ANKS1A: variants seen among roughly 807,000 people sequenced by gnomAD.
ANKS1A encodes the protein ankyrin repeat and sterile alpha motif domain containing 1A.
Under a neutral mutation model 120.3 loss-of-function variants are expected in ANKS1A, and 55 were observed. The observed-to-expected ratio is 0.46, with a 90% CI of 0.37 to 0.57. ANKS1A has a LOEUF of 0.57. Ranked by LOEUF, ANKS1A falls within the 20% of genes least tolerant of loss-of-function variation. The probability of loss-of-function intolerance (pLI) is 0.00; values close to 1 mark genes in which losing one functional copy is unlikely to be tolerated. For synonymous variants in ANKS1A, 590 were observed against 604.7 expected (o/e 0.98, Z 0.36); for missense variants, 1,123 against 1,480.3 (o/e 0.76, Z 3.96).
In ANKS1A at chr6:34,994,488, T is replaced by C. The variant is rs537175227; in HGVS notation, c.1423+66T>C. On this transcript the variant is annotated intron_variant, in intron 10 of 23. Transcript: ENST00000360359. ...GATTTTTAAAGTTTGTGATCCTGAGTGGAAGGGGAAGATGTCGTAACTATG... is the reference window on the plus strand; with the variant it reads ...GATTTTTAAAGTTTGTGATCCTGAGCGGAAGGGGAAGATGTCGTAACTATG... 2.5e-5 allele frequency: 39 copies of C among 1,579,802 alleles called. No homozygotes were observed. The South Asian group carries it at 3.9e-4, about 16-fold the overall frequency.
intron 1 of ANKS1A, among the ~76,000 whole-genome samples, chr6:34,962,306 C>T (rs1770679044): frequency 6.6e-6 from 1 of 152,186 alleles, no homozygotes; most frequent in African/African-American, 2.4e-5. Context: ...TGGCAATGAA[C>T]AAATAGCCTA....
chr6:35,031,140 C>T (rs1430088450), intron 11 of ANKS1A, among the ~76,000 whole-genome samples: 2 of 152,202 alleles, frequency 1.3e-5, no homozygotes, highest in African/African-American at 2.4e-5. Flanking sequence ...ATACAGAAAG[C>T]GGTTCTGTGG....
chr6:34,952,569 C>G (rs933042995), intron 1 of ANKS1A, among the ~76,000 whole-genome samples: 2 of 152,214 alleles, frequency 1.3e-5, no homozygotes, highest in Non-Finnish European at 1.5e-5. Context: ...CACACTCACT[C>G]ACTCACTAAA....
chr6:35,004,759 A>T (rs548002025), intron 10 of ANKS1A, among the ~76,000 whole-genome samples: 34 of 152,042 alleles, frequency 2.2e-4, no homozygotes, highest in Non-Finnish European at 3.2e-4. Flanking sequence ...GCAAAAAAAA[A>T]TTTTTTTTAA....
chr6:35,010,341 CT>C (rs1319578181), intron 10 of ANKS1A, among the ~76,000 whole-genome samples: 1 of 152,176 alleles, frequency 6.6e-6, no homozygotes, highest in African/African-American at 2.4e-5. Flanking sequence ...GAGTGCTGGG[CT>C]CAACAACAGT....
intron 13 of ANKS1A, among the ~76,000 whole-genome samples, chr6:35,071,704 G>A (rs905548970): frequency 2.0e-5 from 3 of 152,220 alleles, no homozygotes; most frequent in African/African-American, 7.2e-5. Flanking sequence ...CTGGCCACAC[G>A]CTCCCAGTCA....
At chr6:34,975,334 A>C (rs1206995453) in intron 3 of ANKS1A, among the ~76,000 whole-genome samples, 4 of 151,958 alleles carry the variant, frequency 2.6e-5, no homozygotes, top group Non-Finnish European at 5.9e-5. Flanking sequence ...TGTGCCTATA[A>C]TCCCAGCTAC....
rs767309368 is a variant in ANKS1A at position 35,017,485 on chromosome 6, G to A, written c.1436G>A (p.Ser479Asn). 3 of 1,604,272 alleles carry A rather than the reference G, an allele frequency of 1.9e-6. No individual in the cohort carries two copies. Among genetic ancestry groups the A allele is most frequent in the African/African-American group, 2.7e-5 (2 of 74,810 alleles). Residue 479 changes from serine (S) to asparagine (N), a missense_variant, in exon 11 of 24, where the codon AGC becomes AAC. This residue lies in a region of ANKS1A where 904 missense variants were observed against 1,130.4 expected (regional missense o/e 0.80). Transcript: ENST00000360359. ...VDGKTKDHRR[S>N]SSSRSQDSAE... ...CGTCCACTCCAAGACCACAGGCGGA[G>A]CAGCAGCAGCCGGAGCCAGGACTCT...
intron 1 of ANKS1A, among the ~76,000 whole-genome samples, chr6:34,962,676 C>G (rs1770699715): frequency 6.6e-6 from 1 of 151,776 alleles, no homozygotes; most frequent in Non-Finnish European, 1.5e-5. Context: ...GTAGTCCCAG[C>G]TACTCAGGAG....
chr6:34,979,719 C>CAGTA (rs1771804008), intron 3 of ANKS1A, among the ~76,000 whole-genome samples: 1 of 151,764 alleles, frequency 6.6e-6, no homozygotes, highest in South Asian at 2.1e-4. Context: ...ATAAAAGAGA[C>CAGTA]AGTAGTATTT....
At chr6:34,931,235 C>T (rs1438730471) in intron 1 of ANKS1A, among the ~76,000 whole-genome samples, 1 of 151,890 alleles carries the variant, frequency 6.6e-6, no homozygotes, top group Non-Finnish European at 1.5e-5. Context: ...CAACCTTCGC[C>T]TCCCAGGCTC....
chr6:34,896,232 G>A (rs961208879), intron 1 of ANKS1A, among the ~76,000 whole-genome samples: 2 of 151,806 alleles, frequency 1.3e-5, no homozygotes, highest in Non-Finnish European at 2.9e-5. Flanking sequence ...ACTGCACCTG[G>A]CGAATATTTG....
intron 20 of ANKS1A, among the ~76,000 whole-genome samples, chr6:35,083,841 TC>T (rs1202961996): frequency 1.3e-5 from 2 of 152,126 alleles, no homozygotes; most frequent in African/African-American, 4.8e-5. Context: ...CTGACACCCT[TC>T]CCACTTTGCC....
chr6:35,078,670 G>A lies in ANKS1A; in HGVS notation c.2283+14G>A. The A allele has an allele frequency of 6.3e-7, 1 of 1,599,880 alleles. No homozygotes were observed. The highest frequency in any genetic ancestry group is 1.1e-5 in the South Asian group (1 of 91,048). On this transcript the variant is annotated intron_variant, in intron 14 of 23. Coordinates refer to ENST00000360359, the MANE Select transcript of ANKS1A (RefSeq NM_015245.3). ...TCCCTACCCAAGGTGACCATCGCCG[G>A]CCCTGTAGCCTCAGCCCGTGCGGAG...
chr6:34,893,136 G>A (rs903997375), intron 1 of ANKS1A, among the ~76,000 whole-genome samples: 3 of 152,018 alleles, frequency 2.0e-5, no homozygotes, highest in Non-Finnish European at 4.4e-5. Flanking sequence ...TGTAAAATGG[G>A]GATAATACTA....
rs1043257915 is a variant in ANKS1A, at chr6:35,085,701, A to G, written c.3133-65A>G. On this transcript the variant is annotated intron_variant, in intron 21 of 23. Transcript: ENST00000360359. The surrounding 1 kb of genome is among the most constrained non-coding windows in gnomAD (Gnocchi z 4.7). The stretch of plus-strand genomic sequence containing the variant: ...GGGGGACACATGGTCCCTGCGAGGA[A>G]GGGCATATCCAGTGTGAAGCGGCTC... 5.4e-6 allele frequency: 8 copies of G among 1,488,414 alleles called. No individual in the cohort carries two copies. The highest frequency in any genetic ancestry group is 7.2e-6 in the Non-Finnish European group (8 of 1,112,866). The allele number at this position is 1,488,414 out of a possible 1,614,324, so 92.2% of individuals were successfully genotyped here.
rs571465244 is a variant in ANKS1A, at chr6:34,894,107, A to T, written c.197+4508A>T. On this transcript the variant is annotated intron_variant, in intron 1 of 23. Transcript: ENST00000360359. ...CATTTTCTGATTGTTTAATGGATGC[A>T]TGCCTTCGGTCTATACCTTGGGAGC... Among the ~76,000 whole-genome samples the T allele has an allele frequency of 1.9e-3, 285 of 152,324 alleles. 1 individual carries two copies. Among genetic ancestry groups the T allele is most frequent in the African/African-American group, 6.4e-3 (268 of 41,562 alleles).
chr6:34,987,694 T>C (rs1772284428), intron 8 of ANKS1A, among the ~76,000 whole-genome samples: 1 of 152,268 alleles, frequency 6.6e-6, no homozygotes, highest in Admixed American at 6.5e-5. Flanking sequence ...TACTGAGCAG[T>C]GAAGCCTGTT....
At position 34,889,366 on chromosome 6, in the gene ANKS1A, C is replaced by A; in HGVS notation, c.-37C>A. The A allele has an allele frequency of 8.0e-7, 1 of 1,249,670 alleles. No homozygotes were observed. The highest frequency in any genetic ancestry group is 3.4e-5 in the South Asian group (1 of 29,278). The allele number at this position is 1,249,670 out of a possible 1,614,324, so 77.4% of individuals were successfully genotyped here. A position where few individuals can be genotyped will look rare whatever the true frequency, so the allele number is the denominator to read the frequency against. ...GGAGCCCGAGCAGGCTCGGCTGCAG[C>A]CTCGGGGAGGGGGTCCAGCGGGTGG... On this transcript the variant is annotated 5_prime_UTR_variant, in exon 1 of 24. Transcript: ENST00000360359. The surrounding 1 kb of genome is among the most constrained non-coding windows in gnomAD (Gnocchi z 5.5).
Sources: allele counts gnomAD v4.1 joint callset (sites outside exome capture counted in the v4.1 genomes callset), GRCh38; gene constraint gnomAD v4.1.1; regional missense constraint gnomAD v4.1.1; non-coding constraint Gnocchi (gnomAD v3.1); transcripts MANE v1.5; gene names NCBI Gene and HGNC (gene_info 2026-07-23, HGNC 2026-07-21).